Variants in DCC observed in about 807,000 individuals in gnomAD.
DCC encodes the protein netrin receptor DCC.
DCC carries 58 observed loss-of-function variants against 172.5 expected under a neutral mutation model. The observed-to-expected ratio is 0.34, with a 90% CI of 0.27 to 0.42. The LOEUF is 0.42. Ranked by LOEUF, DCC falls within the 10% of genes least tolerant of loss-of-function variation. The probability of loss-of-function intolerance (pLI) is 1.00; values close to 1 mark genes in which losing one functional copy is unlikely to be tolerated. For synonymous variants in DCC, 709 were observed against 644.5 expected (o/e 1.10, Z -1.52); for missense variants, 1,740 against 1,791.0 (o/e 0.97, Z 0.51).
chr18:53,209,731 A>G (rs1044798210), intron 11 of DCC, among the ~76,000 whole-genome samples: 4 of 152,234 alleles, frequency 2.6e-5, no homozygotes, highest in African/African-American at 9.6e-5. Flanking sequence ...TTATTGGTAG[A>G]ATAAATTACT....
intron 1 of DCC, among the ~76,000 whole-genome samples, chr18:52,363,371 G>A (rs1984705719): frequency 6.6e-6 from 1 of 152,132 alleles, no homozygotes; most frequent in Admixed American, 6.6e-5. Flanking sequence ...AGGTTCATGA[G>A]GTCACCCTTC....
chr18:52,435,048 C>T (rs528017281), intron 1 of DCC, among the ~76,000 whole-genome samples: 29 of 152,238 alleles, frequency 1.9e-4, no homozygotes, highest in Non-Finnish European at 3.5e-4. Flanking sequence ...AGGCTGTTTC[C>T]AGACTTGAGT....
chr18:52,887,320 A>G lies in DCC; in HGVS notation c.413-18724A>G, dbSNP rs573031308. ...AATCATCAATGGTTTTTTTTTTTTA[A>G]ACTATCATCAACATGTATTTGCAGA... On this transcript the variant is annotated intron_variant, in intron 2 of 28. Transcript: ENST00000442544. 2.1e-3 allele frequency among the ~76,000 whole-genome samples: 312 copies of G among 151,620 alleles called. 1 individual carries two copies. The highest frequency in any genetic ancestry group is 7.2e-3 in the African/African-American group (296 of 41,344).
chr18:53,332,242 A>G (rs2057536686), intron 14 of DCC, among the ~76,000 whole-genome samples: 1 of 152,204 alleles, frequency 6.6e-6, no homozygotes, highest in Non-Finnish European at 1.5e-5. Flanking sequence ...TTAGACTTCT[A>G]CATTCTTTTT....
chr18:52,788,680 T>C (rs1326028229), intron 2 of DCC, among the ~76,000 whole-genome samples: 2 of 152,180 alleles, frequency 1.3e-5, no homozygotes, highest in Non-Finnish European at 2.9e-5. Flanking sequence ...ACTAGTATGA[T>C]TTTTCATTTG....
chr18:52,342,158 A>T (rs1369599275), intron 1 of DCC, among the ~76,000 whole-genome samples: 1 of 152,150 alleles, frequency 6.6e-6, no homozygotes, highest in African/African-American at 2.4e-5. Context: ...AGGCAGCCCG[A>T]GGCTCCCCAA....
intron 8 of DCC, among the ~76,000 whole-genome samples, chr18:53,178,343 C>T (rs1342087392): frequency 6.6e-6 from 1 of 152,160 alleles, no homozygotes; most frequent in African/African-American, 2.4e-5. Flanking sequence ...TGATATTGAA[C>T]ACATAGAGAT....
intron 1 of DCC, among the ~76,000 whole-genome samples, chr18:52,550,346 AT>A (rs111471499): frequency 2.5e-4 from 37 of 150,498 alleles, no homozygotes; most frequent in African/African-American, 8.9e-4. Context: ...CAGAAAAGAG[AT>A]TAAAAAAAAC....
At chr18:52,912,153 C>T (rs1343145092) in intron 3 of DCC, among the ~76,000 whole-genome samples, 1 of 152,046 alleles carries the variant, frequency 6.6e-6, no homozygotes, top group African/African-American at 2.4e-5. Context: ...TTGGTTTCAC[C>T]ACCTGGTAAT....
chr18:53,049,126 C>G (rs970198592), intron 5 of DCC, among the ~76,000 whole-genome samples: 2 of 151,890 alleles, frequency 1.3e-5, no homozygotes, highest in Non-Finnish European at 2.9e-5. Context: ...TTATCCCATT[C>G]TGTAGGCTGT....
intron 1 of DCC, among the ~76,000 whole-genome samples, chr18:52,705,133 A>G (rs1296160370): frequency 6.6e-6 from 1 of 152,228 alleles, no homozygotes; most frequent in South Asian, 2.1e-4. Context: ...TACACCATAC[A>G]TAAATGCTTG....
intron 12 of DCC, among the ~76,000 whole-genome samples, chr18:53,250,930 T>G (rs754897131): frequency 6.6e-6 from 1 of 151,964 alleles, no homozygotes; most frequent in Non-Finnish European, 1.5e-5. Flanking sequence ...GTGACCTCTA[T>G]GCTGTTCTTT....
intron 9 of DCC, among the ~76,000 whole-genome samples, chr18:53,202,710 C>G (rs1004782706): frequency 6.6e-6 from 1 of 152,120 alleles, no homozygotes. Flanking sequence ...TGGCCAAGTA[C>G]TCAGTTCTGG....
At chr18:53,400,449 T>C (rs780740497) in intron 18 of DCC, among the ~76,000 whole-genome samples, 63 of 152,242 alleles carry the variant, frequency 4.1e-4, no homozygotes, top group Non-Finnish European at 5.3e-4. Flanking sequence ...TTATTTTTAT[T>C]TATTTATATT....
Position 52,732,986 on chromosome 18 carries a change from C to A in DCC, c.92-19068C>A, listed in dbSNP as rs2036668372. On this transcript the variant is annotated intron_variant, in intron 1 of 28. Coordinates refer to ENST00000442544, the MANE Select transcript of DCC (RefSeq NM_005215.4). Reference sequence around the variant, plus strand: ...TGTATGAGTTAATAATTAATGTAACCAAAAATGCTAAGTCAATCTTCTGTA... The same window carrying A: ...TGTATGAGTTAATAATTAATGTAACAAAAAATGCTAAGTCAATCTTCTGTA... Among the ~76,000 whole-genome samples, 3 of 151,988 alleles carry A rather than the reference C, an allele frequency of 2.0e-5. No individual in the cohort carries two copies. The South Asian group carries it at 6.2e-4, about 31-fold the overall frequency.
intron 12 of DCC, among the ~76,000 whole-genome samples, chr18:53,270,605 G>T (rs541059221): frequency 1.3e-5 from 2 of 152,150 alleles, no homozygotes; most frequent in South Asian, 4.1e-4. Flanking sequence ...GCAGAATTTG[G>T]AAACAAAGGG....
intron 12 of DCC, among the ~76,000 whole-genome samples, chr18:53,240,390 G>A (rs2056276168): frequency 6.6e-6 from 1 of 152,082 alleles, no homozygotes; most frequent in African/African-American, 2.4e-5. Flanking sequence ...TCATCTCTGT[G>A]ATTGTCATAG....
chr18:53,169,594 A>G (rs1429058128), intron 8 of DCC, among the ~76,000 whole-genome samples: 3 of 152,156 alleles, frequency 2.0e-5, no homozygotes, highest in Admixed American at 2.0e-4. Context: ...TTGTCTGACA[A>G]TCCATCTGGT....
At chr18:53,042,232 CA>C (rs1386996424) in intron 5 of DCC, among the ~76,000 whole-genome samples, 1 of 151,930 alleles carries the variant, frequency 6.6e-6, no homozygotes, top group Non-Finnish European at 1.5e-5. Flanking sequence ...TGAATTTTAT[CA>C]AAGGCCTTTT....
Sources: gnomAD v4.1 joint callset for allele counts (sites outside exome capture counted in the v4.1 genomes callset) on GRCh38, gnomAD v4.1.1 for gene constraint, MANE v1.5 for transcripts, NCBI Gene and HGNC (gene_info 2026-07-23, HGNC 2026-07-21) for gene names.